Variants in ARHGAP17 observed in about 807,000 individuals in gnomAD.
The protein encoded by ARHGAP17 is rho GTPase-activating protein 17.
Under a neutral mutation model 99.5 loss-of-function variants are expected in ARHGAP17, and 57 were observed. That is an observed-to-expected ratio of 0.57 (90% confidence interval 0.46 to 0.71). The LOEUF (loss-of-function observed/expected upper bound fraction) is 0.71, where lower values mean the gene tolerates loss of function less well. Ranked by LOEUF, ARHGAP17 falls within the 30% of genes least tolerant of loss-of-function variation. The probability of loss-of-function intolerance (pLI) is 0.00; values close to 1 mark genes in which losing one functional copy is unlikely to be tolerated. For missense variants in ARHGAP17, 1,000 were observed against 1,122.4 expected, an observed-to-expected ratio of 0.89 and a Z score of 1.56; for synonymous variants, 417 against 429.6, an observed-to-expected ratio of 0.97 and a Z score of 0.36.
chr16:24,946,317 T>A (rs1479735638), intron 14 of ARHGAP17, among the ~76,000 whole-genome samples: 9 of 151,732 alleles, frequency 5.9e-5, no homozygotes, highest in African/African-American at 1.7e-4. Context: ...TGTCTTCAAG[T>A]TTCACGAAGC....
chr16:24,946,502 G>A lies in ARHGAP17; in HGVS notation c.1241+980C>T, dbSNP rs563274803. ...ATTATGTTTCTTTACCTCTGCTGCC[G>A]TCATACTTGATAAAGGGGGCAGAAT... On this transcript the variant is annotated intron_variant, in intron 14 of 19. Coordinates refer to ENST00000289968, the MANE Select transcript of ARHGAP17 (RefSeq NM_001006634.3). Among the ~76,000 whole-genome samples, 26 of 150,458 alleles carry A rather than the reference G, an allele frequency of 1.7e-4. 1 individual carries two copies. Among genetic ancestry groups the A allele is most frequent in the African/African-American group, 3.9e-4 (16 of 40,856 alleles).
At chr16:25,012,239 C>A (rs2141551117) in intron 1 of ARHGAP17, among the ~76,000 whole-genome samples, 1 of 152,316 alleles carries the variant, frequency 6.6e-6, no homozygotes, top group East Asian at 1.9e-4. Context: ...AGCCTTGCCC[C>A]TGTGAGTTTC....
intron 1 of ARHGAP17, among the ~76,000 whole-genome samples, chr16:24,998,639 C>T (rs551424596): frequency 5.3e-5 from 8 of 152,290 alleles, no homozygotes; most frequent in African/African-American, 9.6e-5. Context: ...AAGCGCTGGA[C>T]GGCAGCATTC....
At chr16:25,012,255 G>A (rs989347252) in intron 1 of ARHGAP17, among the ~76,000 whole-genome samples, 3 of 152,128 alleles carry the variant, frequency 2.0e-5, no homozygotes, top group African/African-American at 7.2e-5. Context: ...GTTTCAGGCC[G>A]TCTTCTCAAA....
rs560102150 is a variant in ARHGAP17 at position 24,970,209 on chromosome 16, G to T, written c.272+298C>A. 4.9e-4 allele frequency among the ~76,000 whole-genome samples: 75 copies of T among 152,248 alleles called. 2 individuals carry two copies. In the South Asian group the frequency reaches 0.015, roughly 30 times the overall value. The stretch of plus-strand genomic sequence containing the variant: ...TGAGCCAACACCTGGAACACAGAAG[G>T]GACCACATTCTTTCTGTCCAAGATT... On this transcript the variant is annotated intron_variant, in intron 4 of 19. Coordinates refer to ENST00000289968, the MANE Select transcript of ARHGAP17 (RefSeq NM_001006634.3).
chr16:24,960,094 T>A, intron 7 of ARHGAP17, 115 bp from the exon 8 acceptor site: 1 of 953,574 alleles, frequency 1.0e-6, no homozygotes, highest in Non-Finnish European at 1.6e-6. Context: ...CACCACAGAT[T>A]AAATGTCCAT....
At chr16:24,925,432 T>G (rs1290527835) in intron 19 of ARHGAP17, among the ~76,000 whole-genome samples, 1 of 152,192 alleles carries the variant, frequency 6.6e-6, no homozygotes, top group African/African-American at 2.4e-5. Flanking sequence ...CAATCTGGCT[T>G]TGATCCTCTT....
chr16:24,982,565 G>A (rs959827687), intron 1 of ARHGAP17, among the ~76,000 whole-genome samples: 1 of 152,134 alleles, frequency 6.6e-6, no homozygotes, highest in African/African-American at 2.4e-5. Flanking sequence ...TTGCTGGCCT[G>A]TGGACTCTCC....
chr16:24,947,639 C>T, intron 13 of ARHGAP17, 44 bp from the exon 14 acceptor site: 1 of 1,519,092 alleles, frequency 6.6e-7, no homozygotes, highest in Non-Finnish European at 9.0e-7. Flanking sequence ...TCTGAAATAG[C>T]TGCTGGAATG....
At chr16:24,991,432 T>C (rs1315339319) in intron 1 of ARHGAP17, among the ~76,000 whole-genome samples, 3 of 152,206 alleles carry the variant, frequency 2.0e-5, no homozygotes, top group Non-Finnish European at 4.4e-5. Context: ...ATCAAGCTGT[T>C]CTAGCTTCTC....
intron 10 of ARHGAP17, among the ~76,000 whole-genome samples, chr16:24,953,690 T>C (rs568402486): frequency 6.6e-6 from 1 of 152,316 alleles, no homozygotes; most frequent in African/African-American, 2.4e-5. Context: ...CGTCATAAAT[T>C]ACCCAGGCTC....
intron 7 of ARHGAP17, among the ~76,000 whole-genome samples, chr16:24,960,315 T>A (rs1032561299): frequency 1.3e-5 from 2 of 152,114 alleles, no homozygotes; most frequent in Non-Finnish European, 2.9e-5. Context: ...GAGGCTGAGA[T>A]GGGCAGATTA....
intron 9 of ARHGAP17, 177 bp from the exon 10 acceptor site, chr16:24,954,907 G>A: frequency 1.2e-6 from 1 of 869,018 alleles, no homozygotes; most frequent in Non-Finnish European, 1.7e-6. Flanking sequence ...AGCAAACTAT[G>A]GACCAGGCTG....
At chr16:24,975,749 C>T (rs1231903418) in intron 3 of ARHGAP17, among the ~76,000 whole-genome samples, 4 of 152,118 alleles carry the variant, frequency 2.6e-5, no homozygotes, top group African/African-American at 7.2e-5. Context: ...TGTGTGTCAC[C>T]GAAACTGTCA....
intron 1 of ARHGAP17, among the ~76,000 whole-genome samples, chr16:24,983,412 C>T (rs2052761746): frequency 6.6e-6 from 1 of 152,030 alleles, no homozygotes; most frequent in African/African-American, 2.4e-5. Flanking sequence ...AGCTATCCTC[C>T]CACCTCAGCC....
intron 18 of ARHGAP17, among the ~76,000 whole-genome samples, chr16:24,935,159 T>C (rs1410691539): frequency 6.6e-6 from 1 of 152,140 alleles, no homozygotes; most frequent in Non-Finnish European, 1.5e-5. Context: ...AGCTGAGAAG[T>C]ACAGAGGCTG....
At chr16:24,950,836 C>CAAACAAAAAA (rs1386246671) in intron 12 of ARHGAP17, among the ~76,000 whole-genome samples, 2 of 39,444 alleles carry the variant, frequency 5.1e-5, no homozygotes, top group African/African-American at 2.1e-4. Flanking sequence ...GACTCCAACT[C>CAAACAAAAAA]AAAAAAAAAA....
intron 1 of ARHGAP17, among the ~76,000 whole-genome samples, chr16:25,012,779 C>G (rs1239099481): frequency 6.6e-6 from 1 of 152,204 alleles, no homozygotes; most frequent in East Asian, 1.9e-4. Context: ...CTTAATAGTT[C>G]TGTAATAGCT....
At chr16:24,950,276 C>T (rs2051596562) in intron 12 of ARHGAP17, among the ~76,000 whole-genome samples, 1 of 152,110 alleles carries the variant, frequency 6.6e-6, no homozygotes, top group African/African-American at 2.4e-5. Context: ...AGATAGACGC[C>T]TTCTTTTACA....
Sources: gnomAD v4.1 joint callset for allele counts (sites outside exome capture counted in the v4.1 genomes callset) on GRCh38, gnomAD v4.1.1 for gene constraint, MANE v1.5 for transcripts, NCBI Gene and HGNC (gene_info 2026-07-23, HGNC 2026-07-21) for gene names.